ARHGAP17: variants seen among roughly 807,000 people sequenced by gnomAD.
ARHGAP17 encodes rho GTPase-activating protein 17.
ARHGAP17 carries 57 observed loss-of-function variants against 99.5 expected under a neutral mutation model. That is an observed-to-expected ratio of 0.57 (90% CI 0.46 to 0.71). The LOEUF is 0.71. ARHGAP17 is among the 30% of genes least tolerant of loss of function. The pLI is 0.00. For missense variants in ARHGAP17, 1,000 were observed against 1,122.4 expected (o/e 0.89, Z 1.56); for synonymous variants, 417 against 429.6 (o/e 0.97, Z 0.36).
intron 9 of ARHGAP17, chr16:24,954,945 G>A: frequency 1.7e-6 from 1 of 582,856 alleles, no homozygotes. Context: ...ACAGAAGCCT[G>A]AGCGTACCTA....
intron 13 of ARHGAP17, among the ~76,000 whole-genome samples, chr16:24,948,026 A>T (rs778960972): frequency 1.3e-5 from 2 of 152,250 alleles, no homozygotes; most frequent in Non-Finnish European, 2.9e-5. Flanking sequence ...TTTATCATAT[A>T]TACCTACCTT....
intron 10 of ARHGAP17, 57 bp downstream of exon 10, chr16:24,954,546 C>T: frequency 6.4e-7 from 1 of 1,565,548 alleles, no homozygotes; most frequent in South Asian, 1.2e-5. Context: ...GCATGGTGCT[C>T]TGGGTACAAC....
At position 24,978,931 on chromosome 16, in the gene ARHGAP17, A is replaced by C. The variant is rs543272588; in HGVS notation, c.93+35T>G. 2.0e-6 allele frequency: 3 copies of C among 1,535,132 alleles called. No homozygotes were observed. The African/African-American group carries it at 4.2e-5, about 22-fold the overall frequency. On this transcript the variant is annotated intron_variant, in intron 2 of 19. Transcript: ENST00000289968. ...ACATAGGAATTTTTTTCCATCCTTT[A>C]AACAGATCATTTAAAGGAGACTATA...
At chr16:24,979,858 G>A (rs1037030119) in intron 1 of ARHGAP17, among the ~76,000 whole-genome samples, 1 of 152,032 alleles carries the variant, frequency 6.6e-6, no homozygotes, top group African/African-American at 2.4e-5. Context: ...TTATAGGCAC[G>A]TGCCACTTCG....
At position 25,015,360 on chromosome 16, in the gene ARHGAP17, G is replaced by A; in HGVS notation, c.-99C>T. On this transcript the variant is annotated 5_prime_UTR_variant, in exon 1 of 20. Coordinates refer to ENST00000289968, the MANE Select transcript of ARHGAP17 (RefSeq NM_001006634.3). ...GCTTCCCGGCCCAAACGGCGGCGCG[G>A]CGGTGGCTCCCCGGGCCGGCGGCCC... 8.9e-7 allele frequency: 1 copy of A among 1,128,504 alleles called. No individual in the cohort carries two copies. Among genetic ancestry groups the A allele is most frequent in the East Asian group, 3.5e-5 (1 of 28,608 alleles). The allele number at this position is 1,128,504 out of a possible 1,614,324, so 69.9% of individuals were successfully genotyped here. A position where few individuals can be genotyped will look rare whatever the true frequency, so the allele number is the denominator to read the frequency against.
At chr16:24,957,108 G>C (rs2051832091) in intron 9 of ARHGAP17, 1 of 152,432 alleles carries the variant, frequency 6.6e-6, no homozygotes, top group Non-Finnish European at 1.5e-5. Flanking sequence ...GAGGATGACA[G>C]AGCCTAGGGC....
intron 13 of ARHGAP17, 26 bp from the exon 14 acceptor site, chr16:24,947,621 G>A (rs2051512162): frequency 6.4e-7 from 1 of 1,568,118 alleles, no homozygotes; most frequent in East Asian, 2.2e-5. Flanking sequence ...GAAGGGGAGG[G>A]TTTCTCCTCT....
intron 1 of ARHGAP17, among the ~76,000 whole-genome samples, chr16:24,987,050 A>G (rs2052891384): frequency 6.6e-6 from 1 of 152,210 alleles, no homozygotes; most frequent in Non-Finnish European, 1.5e-5. Flanking sequence ...CTACTGATAA[A>G]CATATTTCGG....
chr16:24,968,813 A>C (rs758403160), intron 4 of ARHGAP17, 41 bp from the exon 5 acceptor site: 3 of 1,589,574 alleles, frequency 1.9e-6, no homozygotes, highest in Admixed American at 3.3e-5. Context: ...CGTGCTCATT[A>C]AATCAGGCAC....
At chr16:24,964,347 T>C (rs756828617) in intron 6 of ARHGAP17, 39 bp from the exon 7 acceptor site, 1 of 1,401,668 alleles carries the variant, frequency 7.1e-7, no homozygotes, top group East Asian at 2.3e-5. Context: ...GAGAACCAGC[T>C]GTGTATACTC....
chr16:24,954,127 A>C (rs2051731719), intron 10 of ARHGAP17, among the ~76,000 whole-genome samples: 1 of 152,180 alleles, frequency 6.6e-6, no homozygotes, highest in South Asian at 2.1e-4. Context: ...ATACAAGAAG[A>C]GTAATAAAAA....
intron 1 of ARHGAP17, among the ~76,000 whole-genome samples, chr16:25,009,103 C>T (rs924173710): frequency 2.0e-5 from 3 of 152,138 alleles, no homozygotes; most frequent in African/African-American, 2.4e-5. Context: ...TGGTGGCTCA[C>T]GCCTGTAACC....
chr16:24,924,192 A>T (rs1168300231), intron 19 of ARHGAP17, among the ~76,000 whole-genome samples: 1 of 152,118 alleles, frequency 6.6e-6, no homozygotes, highest in Non-Finnish European at 1.5e-5. Flanking sequence ...TGAGTCTTAA[A>T]CACTCTGGTT....
chr16:24,944,678 G>A (rs1447325105), intron 14 of ARHGAP17, among the ~76,000 whole-genome samples: 4 of 151,976 alleles, frequency 2.6e-5, no homozygotes, highest in East Asian at 1.9e-4. Flanking sequence ...GTGCAGTGGC[G>A]CTATCTCAGC....
At position 24,920,154 on chromosome 16, in the gene ARHGAP17, A is replaced by G. The variant is rs910566810; in HGVS notation, c.2622T>C (p.Asn874=). The G allele has an allele frequency of 6.2e-7, 1 of 1,613,918 alleles. No homozygotes were observed. The highest frequency in any genetic ancestry group is 8.5e-7 in the Non-Finnish European group (1 of 1,179,972). Residue 874 remains asparagine, a synonymous_variant, in exon 20 of 20, where the codon AAT becomes AAC. Coordinates refer to ENST00000289968, the MANE Select transcript of ARHGAP17 (RefSeq NM_001006634.3). ...TTCACAGGGCAGTGCTCTCGGTATC[A>G]TTGTCTATATCCAGCAGGATGCGGC... The part of the protein sequence containing the change: ...VPGRILLDID[N]DTESTAL
At chr16:24,991,423 T>C (rs2053037782) in intron 1 of ARHGAP17, among the ~76,000 whole-genome samples, 1 of 152,190 alleles carries the variant, frequency 6.6e-6, no homozygotes, top group African/African-American at 2.4e-5. Flanking sequence ...TCCAAATTTA[T>C]CAAGCTGTTC....
chr16:24,925,445 G>T (rs1029429345), intron 19 of ARHGAP17, among the ~76,000 whole-genome samples: 1 of 152,288 alleles, frequency 6.6e-6, no homozygotes, highest in African/African-American at 2.4e-5. Context: ...ATCCTCTTTG[G>T]TTGAAGTAGA....
intron 7 of ARHGAP17, among the ~76,000 whole-genome samples, chr16:24,962,782 A>T (rs1012953432): frequency 1.3e-5 from 2 of 152,248 alleles, no homozygotes; most frequent in African/African-American, 4.8e-5. Context: ...AGAAAGAAAC[A>T]CTAGAAAAGA....
chr16:24,954,476 C>T, intron 10 of ARHGAP17, 127 bp downstream of exon 10: 1 of 1,353,814 alleles, frequency 7.4e-7, no homozygotes, highest in Non-Finnish European at 9.9e-7. Flanking sequence ...AGCCACTGTT[C>T]TACACAAAAC....
Sources: gnomAD v4.1 joint callset for allele counts (sites outside exome capture counted in the v4.1 genomes callset) on GRCh38, gnomAD v4.1.1 for gene constraint, MANE v1.5 for transcripts, NCBI Gene and HGNC (gene_info 2026-07-23, HGNC 2026-07-21) for gene names.